GRIK2: variants seen among roughly 807,000 people sequenced by gnomAD.
GRIK2 encodes glutamate ionotropic receptor kainate type subunit 2, also known as glutamate receptor ionotropic, kainate 2.
GRIK2 carries 32 observed loss-of-function variants against 100.3 expected under a neutral mutation model. The observed-to-expected ratio is 0.32, with a 90% CI of 0.24 to 0.43. The LOEUF (loss-of-function observed/expected upper bound fraction) is 0.43. Among genes scored for constraint, GRIK2 ranks in the 20% least tolerant of loss-of-function variants. The pLI is 1.00. For synonymous variants in GRIK2, 417 were observed against 389.4 expected (o/e 1.07, Z -0.83); for missense variants, 843 against 1,114.9 (o/e 0.76, Z 3.47).
intron 2 of GRIK2, among the ~76,000 whole-genome samples, chr6:101,547,891 C>G (rs1776323916): frequency 6.6e-6 from 1 of 152,116 alleles, no homozygotes; most frequent in African/African-American, 2.4e-5. Flanking sequence ...TGAGGAATTG[C>G]CACACTGACT....
chr6:101,768,868 T>C (rs1778212688), intron 7 of GRIK2, among the ~76,000 whole-genome samples: 1 of 152,202 alleles, frequency 6.6e-6, no homozygotes, highest in African/African-American at 2.4e-5. Context: ...TTAAAGTGCC[T>C]ACTGCAGTGC....
chr6:101,432,697 G>A (rs964768457), intron 2 of GRIK2, among the ~76,000 whole-genome samples: 4 of 152,126 alleles, frequency 2.6e-5, no homozygotes, highest in Non-Finnish European at 5.9e-5. Flanking sequence ...AGGAGGGTAT[G>A]ATGAATTTGT....
intron 14 of GRIK2, among the ~76,000 whole-genome samples, chr6:102,007,833 A>G (rs917393805): frequency 6.6e-6 from 1 of 152,028 alleles, no homozygotes; most frequent in East Asian, 1.9e-4. Flanking sequence ...AAATTATTGG[A>G]CATTTTATTG....
intron 4 of GRIK2, among the ~76,000 whole-genome samples, chr6:101,636,997 G>A (rs1781052374): frequency 6.6e-6 from 1 of 151,766 alleles, no homozygotes; most frequent in Admixed American, 6.6e-5. Flanking sequence ...CCTTTTTTCA[G>A]GGCAAAAATA....
At chr6:102,058,088 G>A (rs1771552736) in intron 16 of GRIK2, among the ~76,000 whole-genome samples, 1 of 151,670 alleles carries the variant, frequency 6.6e-6, no homozygotes, top group Non-Finnish European at 1.5e-5. Context: ...ATCTCCTTTT[G>A]AGAAAGCTGG....
At chr6:101,792,623 C>T (rs959436697) in intron 7 of GRIK2, among the ~76,000 whole-genome samples, 4 of 152,152 alleles carry the variant, frequency 2.6e-5, no homozygotes, top group African/African-American at 9.7e-5. Context: ...CGACCTTTCT[C>T]TCTGGCTGCC....
chr6:101,710,180 T>C (rs567767149), intron 7 of GRIK2, among the ~76,000 whole-genome samples: 1 of 151,938 alleles, frequency 6.6e-6, no homozygotes, highest in East Asian at 2.0e-4. Context: ...TGGAGTTCTT[T>C]TCAAATAGAA....
At chr6:102,027,672 C>T (rs1362721065) in intron 14 of GRIK2, among the ~76,000 whole-genome samples, 1 of 150,998 alleles carries the variant, frequency 6.6e-6, no homozygotes, top group Non-Finnish European at 1.5e-5. Context: ...TAAATCCTTG[C>T]TTTAGGAGGT....
At chr6:101,589,248 T>C (rs1424949583) in intron 2 of GRIK2, among the ~76,000 whole-genome samples, 1 of 152,168 alleles carries the variant, frequency 6.6e-6, no homozygotes, top group African/African-American at 2.4e-5. Context: ...GTATACATTG[T>C]GGAGTGACTA....
At chr6:101,848,201 C>T (rs982869600) in intron 10 of GRIK2, among the ~76,000 whole-genome samples, 1 of 152,104 alleles carries the variant, frequency 6.6e-6, no homozygotes, top group Non-Finnish European at 1.5e-5. Flanking sequence ...ATTAATATGC[C>T]ACAGAGCTCT....
At chr6:101,764,076 T>A (rs1429200571) in intron 7 of GRIK2, among the ~76,000 whole-genome samples, 1 of 152,170 alleles carries the variant, frequency 6.6e-6, no homozygotes, top group Non-Finnish European at 1.5e-5. Flanking sequence ...TATCTCCTGG[T>A]TCTCTGTATT....
chr6:101,565,174 C>T (rs1236666498), intron 2 of GRIK2, among the ~76,000 whole-genome samples: 1 of 152,028 alleles, frequency 6.6e-6, no homozygotes, highest in Non-Finnish European at 1.5e-5. Context: ...GGTATTCAGA[C>T]CTTCCCCAAA....
At chr6:101,860,520 A>C (rs1784674965) in intron 11 of GRIK2, among the ~76,000 whole-genome samples, 1 of 152,198 alleles carries the variant, frequency 6.6e-6, no homozygotes, top group South Asian at 2.1e-4. Context: ...TGGAGTTTTC[A>C]GCCCTATGGC....
At chr6:101,398,429 A>C (rs1157810358) in intron 1 of GRIK2, among the ~76,000 whole-genome samples, 1 of 152,178 alleles carries the variant, frequency 6.6e-6, no homozygotes, top group Non-Finnish European at 1.5e-5. Context: ...GAGTGGGTTT[A>C]CCTCTCCAAT....
At chr6:101,598,592 T>TAAAAAAAAAAAAAAAAAGAAAAAAAAAA (rs1779038433) in intron 2 of GRIK2, among the ~76,000 whole-genome samples, 1 of 82,394 alleles carries the variant, frequency 1.2e-5, no homozygotes, top group Non-Finnish European at 2.4e-5. Flanking sequence ...TCTTCCTTAA[T>TAAAAAAAAAAAAAAAAAGAAAAAAAAAA]AAAAAAAAAA....
chr6:102,040,035 TAAATC>T (rs1223613731), intron 15 of GRIK2, among the ~76,000 whole-genome samples: 2 of 151,506 alleles, frequency 1.3e-5, no homozygotes, highest in African/African-American at 4.8e-5. Flanking sequence ...CTTGTGGGAT[TAAATC>T]AATAGTGAAT....
intron 9 of GRIK2, among the ~76,000 whole-genome samples, chr6:101,803,438 C>G (rs1161946118): frequency 6.6e-6 from 1 of 151,786 alleles, no homozygotes; most frequent in Non-Finnish European, 1.5e-5. Context: ...GCTGTTACCT[C>G]CTGCCACTGA....
intron 7 of GRIK2, among the ~76,000 whole-genome samples, chr6:101,697,002 G>A (rs1772538151): frequency 6.6e-6 from 1 of 151,868 alleles, no homozygotes; most frequent in African/African-American, 2.4e-5. Flanking sequence ...ATACATAGAG[G>A]TCACAAGCCA....
At chr6:102,045,597 A>G (rs1456839837) in intron 15 of GRIK2, among the ~76,000 whole-genome samples, 2 of 152,090 alleles carry the variant, frequency 1.3e-5, no homozygotes, top group Non-Finnish European at 2.9e-5. Flanking sequence ...TATCAAGAGA[A>G]GAAAAAAAAT....
Sources: gnomAD v4.1 joint callset for allele counts (sites outside exome capture counted in the v4.1 genomes callset) on GRCh38, gnomAD v4.1.1 for gene constraint, MANE v1.5 for transcripts, NCBI Gene and HGNC (gene_info 2026-07-23, HGNC 2026-07-21) for gene names.